Variants in CCNH observed in about 807,000 individuals in gnomAD.
CCNH encodes the protein cyclin H.
A neutral mutation model predicts 41.9 loss-of-function variants in CCNH; 31 were observed. The ratio of observed to expected loss-of-function variants is 0.74; its 90% CI spans 0.56 to 1.00. The LOEUF is 1.00. CCNH is among the 50% of genes least tolerant of loss of function. CCNH has a pLI of 0.00. For synonymous variants in CCNH, 138 were observed against 136.1 expected (o/e 1.01, Z -0.10); for missense variants, 362 against 388.4 (o/e 0.93, Z 0.57).
chr5:87,377,145 G>T, exon 1 of CCNH: 1 of 1,400,220 alleles, frequency 7.1e-7, no homozygotes, highest in Non-Finnish European at 1.0e-6. Context: ...AAATTATATT[G>T]CAAAATAAGT....
At chr5:87,337,356 A>G (rs1417127550) in intron 9 of CCNH, among the ~76,000 whole-genome samples, 1 of 152,042 alleles carries the variant, frequency 6.6e-6, no homozygotes, top group African/African-American at 2.4e-5. Flanking sequence ...TTCTCATAAT[A>G]TATCCCTTGG....
upstream of CCNH, chr5:87,378,680 T>C (rs1210280284): frequency 3.4e-6 from 3 of 883,500 alleles, no homozygotes; most frequent in South Asian, 1.7e-5. Context: ...CTGTAATACA[T>C]TTATAAAAAT....
chr5:87,378,294 G>A, upstream of CCNH: 1 of 1,357,480 alleles, frequency 7.4e-7, no homozygotes, highest in Non-Finnish European at 1.1e-6. Flanking sequence ...GCACATTTAA[G>A]TGGCTATTCC....
At chr5:87,366,894 T>C (rs1200675222) in intron 9 of CCNH, among the ~76,000 whole-genome samples, 1 of 152,076 alleles carries the variant, frequency 6.6e-6, no homozygotes, top group Non-Finnish European at 1.5e-5. Context: ...TAGCCAGGTG[T>C]GGTGATGCAC....
rs758643562 is a variant in CCNH, at chr5:87,409,372, T to TA, written c.241-10dup. ...TACATACAAGCCGTACCCTAAGGGT[T>TA]AAAAAAAATATATCATCAGGATCTA... is the stretch of plus-strand genomic sequence containing the variant. On this transcript the variant is annotated splice_polypyrimidine_tract_variant and intron_variant, in intron 2 of 8. Coordinates refer to ENST00000256897, the MANE Select transcript of CCNH (RefSeq NM_001239.4). 4.5e-5 allele frequency: 64 copies of TA among 1,427,714 alleles called. No homozygotes were observed. The highest frequency in any genetic ancestry group is 1.1e-4 in the East Asian group (5 of 43,810). 88.4% of individuals were successfully genotyped at this position (1,427,714 alleles called of 1,614,324 possible).
intron 7 of CCNH, among the ~76,000 whole-genome samples, chr5:87,396,665 G>A (rs1156479839): frequency 6.6e-6 from 1 of 151,634 alleles, no homozygotes; most frequent in East Asian, 1.9e-4. Context: ...GGGCAAAGGG[G>A]ATAAATAAGC....
At chr5:87,312,088 A>G in the CCNH span, among the ~76,000 whole-genome samples, 1 of 152,372 alleles carries the variant, frequency 6.6e-6, no homozygotes, top group South Asian at 2.1e-4. Flanking sequence ...AGTATTTTTC[A>G]GATGATCACT....
At chr5:87,324,915 T>G (rs1028785388) in intron 9 of CCNH, among the ~76,000 whole-genome samples, 1 of 152,220 alleles carries the variant, frequency 6.6e-6, no homozygotes, top group Admixed American at 6.5e-5. Context: ...TTCTTTACTT[T>G]CCTCTTCACT....
intron 9 of CCNH, chr5:87,332,792 G>A: frequency 1.2e-6 from 1 of 816,684 alleles, no homozygotes; most frequent in Non-Finnish European, 1.8e-6. Context: ...AGAACAAAAT[G>A]GACAACTTCT....
intron 2 of CCNH, among the ~76,000 whole-genome samples, chr5:87,410,911 T>C (rs1400985310): frequency 1.3e-5 from 2 of 152,240 alleles, no homozygotes; most frequent in African/African-American, 4.8e-5. Flanking sequence ...AGCAGTAGTC[T>C]ATGTTCTAGT....
intron 9 of CCNH, chr5:87,330,797 G>C (rs770991081): frequency 2.0e-5 from 9 of 460,994 alleles, no homozygotes; most frequent in Admixed American, 4.0e-5. Context: ...TCATGGAGTA[G>C]ATTATCTTAG....
chr5:87,379,193 A>C (rs1002573194), upstream of CCNH, among the ~76,000 whole-genome samples: 20 of 152,192 alleles, frequency 1.3e-4, no homozygotes, highest in African/African-American at 4.8e-4. Flanking sequence ...TAATAACTTG[A>C]AGGGAAGAAA....
At chr5:87,379,990 A>AT (rs1181989461), upstream of CCNH, 6 of 918,888 alleles carry the variant, frequency 6.5e-6, no homozygotes, top group Admixed American at 1.3e-4. Flanking sequence ...TATGAGATGA[A>AT]TTGTATTTAA....
chr5:87,380,480 G>A (rs1260803001), upstream of CCNH: 1 of 1,561,948 alleles, frequency 6.4e-7, no homozygotes, highest in Non-Finnish European at 8.8e-7. Flanking sequence ...CTTGCTTTCT[G>A]TGTTGAGATG....
chr5:87,329,459 A>G (rs2112360439), intron 9 of CCNH, among the ~76,000 whole-genome samples: 1 of 152,246 alleles, frequency 6.6e-6, no homozygotes, highest in Non-Finnish European at 1.5e-5. Context: ...AAACAAAACA[A>G]AAACAACTAA....
intron 9 of CCNH, among the ~76,000 whole-genome samples, chr5:87,341,792 A>G (rs542822170): frequency 6.6e-6 from 1 of 152,206 alleles, no homozygotes; most frequent in East Asian, 1.9e-4. Context: ...CTGAACCATT[A>G]ATCCCAATTC....
At chr5:87,410,860 G>A (rs1446311466) in intron 2 of CCNH, among the ~76,000 whole-genome samples, 1 of 152,154 alleles carries the variant, frequency 6.6e-6, no homozygotes, top group Non-Finnish European at 1.5e-5. Flanking sequence ...ATGAATGAAT[G>A]CATTATTTCA....
chr5:87,379,793 T>C (rs920219557), upstream of CCNH: 31 of 1,612,956 alleles, frequency 1.9e-5, no homozygotes, highest in Non-Finnish European at 2.5e-5. Flanking sequence ...ACACACCTAT[T>C]GAACATACTT....
At chr5:87,351,231 A>G (rs932118448) in intron 9 of CCNH, among the ~76,000 whole-genome samples, 6 of 151,838 alleles carry the variant, frequency 4.0e-5, no homozygotes, top group African/African-American at 1.4e-4. Flanking sequence ...TTCAGCAGCC[A>G]TTTATCGACT....
Sources: allele counts gnomAD v4.1 joint callset (sites outside exome capture counted in the v4.1 genomes callset), GRCh38; gene constraint gnomAD v4.1.1; transcripts MANE v1.5; gene names NCBI Gene and HGNC (gene_info 2026-07-23, HGNC 2026-07-21).